The following UPP2 variants were observed in gnomAD, a reference collection of about 807,000 sequenced individuals.
UPP2 encodes the protein UPase 2.
UPP2 carries 23 observed loss-of-function variants against 26.7 expected under a neutral mutation model. That is an observed-to-expected ratio of 0.86 (90% CI 0.62 to 1.22). The LOEUF is 1.22. Ranked by LOEUF, UPP2 falls within the 50% of genes most tolerant of loss-of-function variation. UPP2 has a pLI of 0.00. For synonymous variants in UPP2, 127 were observed against 141.3 expected (o/e 0.90, Z 0.72); for missense variants, 387 against 396.7 (o/e 0.98, Z 0.21).
intron 1 of UPP2, among the ~76,000 whole-genome samples, chr2:158,103,120 T>C (rs1683109666): frequency 6.6e-6 from 1 of 152,176 alleles, no homozygotes; most frequent in South Asian, 2.1e-4. Context: ...ACTACATTCA[T>C]ATTGGGTAGA....
intron 2 of UPP2, among the ~76,000 whole-genome samples, chr2:158,006,876 G>A (rs1360197205): frequency 6.6e-6 from 1 of 152,164 alleles, no homozygotes. Flanking sequence ...GTATCTTTAA[G>A]ACAGGGTCAG....
chr2:158,075,901 G>T (rs994745142), intron 3 of UPP2, among the ~76,000 whole-genome samples: 3 of 151,392 alleles, frequency 2.0e-5, no homozygotes, highest in African/African-American at 7.3e-5. Flanking sequence ...AAAATGAAAA[G>T]ATTTTTTGAA....
chr2:157,999,675 C>T (rs1024522345), intron 2 of UPP2, among the ~76,000 whole-genome samples: 4 of 152,192 alleles, frequency 2.6e-5, no homozygotes, highest in African/African-American at 9.7e-5. Context: ...TTTAATAAAG[C>T]TGACAAATTT....
intron 3 of UPP2, among the ~76,000 whole-genome samples, chr2:158,094,440 A>G (rs1682956838): frequency 6.6e-6 from 1 of 152,234 alleles, no homozygotes. Context: ...GTTACTTTAA[A>G]TAAAAAACCA....
intron 3 of UPP2, among the ~76,000 whole-genome samples, chr2:158,043,477 C>T (rs184823428): frequency 2.0e-5 from 3 of 152,248 alleles, no homozygotes; most frequent in Non-Finnish European, 4.4e-5. Context: ...CTACCTTTGG[C>T]GGTCAGCACC....
chr2:158,125,290 C>CA (rs1422144427), intron 6 of UPP2, among the ~76,000 whole-genome samples: 1 of 152,070 alleles, frequency 6.6e-6, no homozygotes, highest in Non-Finnish European at 1.5e-5. Flanking sequence ...ATGCATTTTA[C>CA]AAAAAAGCTG....
intron 3 of UPP2, among the ~76,000 whole-genome samples, chr2:158,041,185 C>T (rs1448716710): frequency 1.3e-5 from 2 of 152,022 alleles, no homozygotes; most frequent in Admixed American, 1.3e-4. Flanking sequence ...AAACAAGAAG[C>T]ATTTTTTTTA....
At chr2:158,074,716 C>CACAT (rs1320386984) in intron 3 of UPP2, among the ~76,000 whole-genome samples, 1 of 151,538 alleles carries the variant, frequency 6.6e-6, no homozygotes, top group Non-Finnish European at 1.5e-5. Context: ...CACACACACA[C>CACAT]ACACACACAC....
chr2:158,106,083 T>C lies in UPP2; in HGVS notation c.63-16T>C, dbSNP rs769166643. ...AAAATTCTTTTATATCTTCTTTGTA[T>C]AATTTTTTTTTCCAGAAAAAGGTTT... On this transcript the variant is annotated splice_polypyrimidine_tract_variant and intron_variant, in intron 1 of 6. Transcript: ENST00000005756. The C allele has an allele frequency of 1.2e-5, 18 of 1,546,748 alleles. No homozygotes were observed. Among genetic ancestry groups the C allele is most frequent in the Non-Finnish European group, 1.5e-5 (17 of 1,142,454 alleles).
intron 3 of UPP2, among the ~76,000 whole-genome samples, chr2:158,071,550 CAAAAAAAAA>C (rs56926948): frequency 1.4e-4 from 9 of 65,472 alleles, no homozygotes; most frequent in African/African-American, 4.2e-4. Flanking sequence ...GATTCTGTCT[CAAAAAAAAA>C]AAAAAAAAAA....
In UPP2 at chr2:158,032,834, A is replaced by G. The variant is rs147446712; in HGVS notation, c.147+16948A>G. On this transcript the variant is annotated intron_variant, in intron 3 of 9. Transcript: ENST00000605860. ...GTTGCTAAATAGCAATGCTTTTCATATCTGACAGGCAGCACAGGTTTCTTT... is the reference window on the plus strand; with the variant it reads ...GTTGCTAAATAGCAATGCTTTTCATGTCTGACAGGCAGCACAGGTTTCTTT... Among the ~76,000 whole-genome samples, 1,440 of 152,306 alleles carry G rather than the reference A, an allele frequency of 9.5e-3. 21 individuals are homozygous for G. The highest frequency in any genetic ancestry group is 0.033 in the African/African-American group (1,355 of 41,558).
intron 3 of UPP2, among the ~76,000 whole-genome samples, chr2:158,050,664 A>G (rs981222434): frequency 2.0e-5 from 3 of 152,200 alleles, no homozygotes; most frequent in Admixed American, 6.5e-5. Context: ...TGGATCTGGC[A>G]TTTACTGAAT....
chr2:158,124,692 T>G (rs1006867300), intron 6 of UPP2, among the ~76,000 whole-genome samples: 4 of 152,136 alleles, frequency 2.6e-5, no homozygotes, highest in African/African-American at 9.7e-5. Context: ...AGTCAGATTG[T>G]AGAAACATTT....
At chr2:158,086,260 T>C (rs941716623) in intron 3 of UPP2, among the ~76,000 whole-genome samples, 1 of 152,104 alleles carries the variant, frequency 6.6e-6, no homozygotes, top group Non-Finnish European at 1.5e-5. Context: ...CTCCTGTATG[T>C]TTTCTAATTT....
At chr2:158,083,397 C>T (rs1682759135) in intron 3 of UPP2, among the ~76,000 whole-genome samples, 1 of 152,062 alleles carries the variant, frequency 6.6e-6, no homozygotes, top group African/African-American at 2.4e-5. Flanking sequence ...GATTTCATGT[C>T]CTTTGCAGGG....
At chr2:158,058,462 C>A (rs796324308) in intron 3 of UPP2, among the ~76,000 whole-genome samples, 10 of 101,678 alleles carry the variant, frequency 9.8e-5, no homozygotes, top group African/African-American at 4.7e-4. Context: ...CGCGCATGCA[C>A]AGAGGAAAGG....
chr2:158,086,989 T>C (rs896361325), intron 3 of UPP2, among the ~76,000 whole-genome samples: 1 of 152,174 alleles, frequency 6.6e-6, no homozygotes, highest in Non-Finnish European at 1.5e-5. Context: ...TAATGTTCTG[T>C]AAATATCTGT....
chr2:158,059,244 C>T (rs763804137), intron 3 of UPP2, among the ~76,000 whole-genome samples: 3 of 152,306 alleles, frequency 2.0e-5, no homozygotes, highest in Admixed American at 6.5e-5. Flanking sequence ...ATGGAATCTC[C>T]GAACTTACAG....
chr2:158,062,739 A>G (rs1682372105), intron 3 of UPP2, among the ~76,000 whole-genome samples: 2 of 152,082 alleles, frequency 1.3e-5, no homozygotes, highest in South Asian at 2.1e-4. Flanking sequence ...CTGAGATAAC[A>G]CTTGTTATTT....
Sources: allele counts gnomAD v4.1 joint callset (sites outside exome capture counted in the v4.1 genomes callset), GRCh38; gene constraint gnomAD v4.1.1; transcripts MANE v1.5; gene names NCBI Gene and HGNC (gene_info 2026-07-23, HGNC 2026-07-21).